PPP1R42: variants seen among roughly 807,000 people sequenced by gnomAD.
The protein encoded by PPP1R42 is protein phosphatase 1 regulatory subunit 42, also known as leucine rich repeat containing 67.
In PPP1R42, 34 loss-of-function variants were observed where a neutral mutation model predicts 31.0. The ratio of observed to expected loss-of-function variants is 1.10; its 90% CI spans 0.83 to 1.46. The LOEUF (loss-of-function observed/expected upper bound fraction) is 1.46. Among genes scored for constraint, PPP1R42 ranks in the 40% most tolerant of loss-of-function variants. The probability of loss-of-function intolerance (pLI) is 0.00; values close to 1 mark genes in which losing one functional copy is unlikely to be tolerated. For missense variants in PPP1R42, 268 were observed against 303.0 expected, an observed-to-expected ratio of 0.88 and a Z score of 0.86; for synonymous variants, 103 against 109.8, an observed-to-expected ratio of 0.94 and a Z score of 0.39.
At chr8:66,970,862 G>A (rs925579242) in intron 7 of PPP1R42, 1 of 814,968 alleles carries the variant, frequency 1.2e-6, no homozygotes. Context: ...TGGCCAAAAA[G>A]GATTGAGAAC....
At chr8:67,007,973 G>A (rs1030301198) in intron 5 of PPP1R42, among the ~76,000 whole-genome samples, 17 of 136,102 alleles carry the variant, frequency 1.2e-4, no homozygotes, top group African/African-American at 4.2e-4. Flanking sequence ...TGCAACCTTC[G>A]CCTCCCAGGT....
intron 7 of PPP1R42, among the ~76,000 whole-genome samples, chr8:66,981,768 A>G (rs779821193): frequency 2.0e-5 from 3 of 152,190 alleles, no homozygotes; most frequent in Non-Finnish European, 2.9e-5. Flanking sequence ...CAGGTATACA[A>G]TTATACATTT....
intron 5 of PPP1R42, among the ~76,000 whole-genome samples, chr8:67,008,108 G>C (rs556814363): frequency 6.6e-6 from 1 of 151,828 alleles, no homozygotes; most frequent in Admixed American, 6.6e-5. Context: ...GGTTCGTCTC[G>C]ATCTCCTGAT....
chr8:66,986,023 G>T, intron 6 of PPP1R42: 1 of 749,394 alleles, frequency 1.3e-6, no homozygotes, highest in Non-Finnish European at 2.5e-6. Context: ...TCCTCCTACA[G>T]CCTCAGTTTG....
intron 7 of PPP1R42, among the ~76,000 whole-genome samples, chr8:66,973,452 C>T (rs1236189198): frequency 6.6e-5 from 10 of 152,064 alleles, no homozygotes; most frequent in Admixed American, 2.6e-4. Flanking sequence ...TACAGGGGCA[C>T]GCCACCACAC....
intron 4 of PPP1R42, 123 bp downstream of exon 4, chr8:67,012,835 T>G: frequency 2.4e-6 from 2 of 844,882 alleles, no homozygotes; most frequent in Non-Finnish European, 3.4e-6. Flanking sequence ...TGATAAGCTC[T>G]GAGCTGGCCA....
chr8:66,990,666 C>A (rs193219230), intron 5 of PPP1R42, among the ~76,000 whole-genome samples: 3 of 152,322 alleles, frequency 2.0e-5, no homozygotes, highest in Admixed American at 1.3e-4. Context: ...GCAATGCTCT[C>A]TCTACCATTA....
chr8:66,971,101 TAATA>T (rs1262849614), intron 7 of PPP1R42: 12 of 1,533,366 alleles, frequency 7.8e-6, no homozygotes, highest in Non-Finnish European at 1.0e-5. Flanking sequence ...CACCTGTGGG[TAATA>T]AACAGGAACT....
intron 7 of PPP1R42, among the ~76,000 whole-genome samples, chr8:66,975,581 G>T (rs902281041): frequency 1.1e-4 from 17 of 152,140 alleles, no homozygotes; most frequent in African/African-American, 4.1e-4. Flanking sequence ...GGGAGGCAGA[G>T]GTTGCAATGA....
chr8:66,997,452 A>G (rs1815364640), intron 5 of PPP1R42, among the ~76,000 whole-genome samples: 1 of 150,578 alleles, frequency 6.6e-6, no homozygotes, highest in Non-Finnish European at 1.5e-5. Context: ...GGCATGTTCC[A>G]CCACACCCAG....
intron 7 of PPP1R42, among the ~76,000 whole-genome samples, chr8:66,981,749 C>T (rs192316098): frequency 1.1e-3 from 160 of 152,280 alleles, no homozygotes; most frequent in African/African-American, 2.5e-3. Context: ...TGATATCATG[C>T]ACTTTTGCCA....
intron 4 of PPP1R42, among the ~76,000 whole-genome samples, chr8:67,011,779 C>A (rs1815849965): frequency 6.6e-6 from 1 of 152,148 alleles, no homozygotes; most frequent in African/African-American, 2.4e-5. Context: ...ATCATCAATT[C>A]ATGGCCTTTT....
chr8:67,006,633 T>G (rs1432474319), intron 5 of PPP1R42, among the ~76,000 whole-genome samples: 2 of 152,068 alleles, frequency 1.3e-5, no homozygotes, highest in South Asian at 2.1e-4. Flanking sequence ...CCTCCCAAAG[T>G]GCGGTGATTA....
intron 7 of PPP1R42, among the ~76,000 whole-genome samples, chr8:66,965,561 A>G (rs1401814384): frequency 2.0e-5 from 3 of 150,222 alleles, no homozygotes; most frequent in Non-Finnish European, 4.4e-5. Flanking sequence ...TGATCCTTCC[A>G]CCCTAGCCTC....
At chr8:66,987,372 A>G (rs1032188204) in intron 6 of PPP1R42, among the ~76,000 whole-genome samples, 2 of 147,952 alleles carry the variant, frequency 1.4e-5, no homozygotes, top group African/African-American at 2.5e-5. Context: ...GCTCACTGCA[A>G]CCTCCGCCTA....
intron 7 of PPP1R42, among the ~76,000 whole-genome samples, chr8:66,975,255 A>G: frequency 6.6e-6 from 1 of 152,224 alleles, no homozygotes; most frequent in East Asian, 1.9e-4. Flanking sequence ...AATTAAATTT[A>G]TTCCTGGGTA....
intron 6 of PPP1R42, chr8:66,984,604 G>T: frequency 8.5e-7 from 1 of 1,183,088 alleles, no homozygotes. Context: ...ATACAGATAC[G>T]TGTACCCCCT....
intron 5 of PPP1R42, among the ~76,000 whole-genome samples, chr8:66,992,000 G>T (rs1167711215): frequency 1.3e-5 from 2 of 152,138 alleles, no homozygotes; most frequent in Non-Finnish European, 2.9e-5. Flanking sequence ...ACAGCTGGTT[G>T]CTTCTTCAAC....
chr8:66,975,003 C>CT (rs1199740121), intron 7 of PPP1R42, among the ~76,000 whole-genome samples: 6 of 152,104 alleles, frequency 3.9e-5, no homozygotes, highest in African/African-American at 1.4e-4. Context: ...TTTAGAATTG[C>CT]TTTTTTCTAT....
Sources: allele counts gnomAD v4.1 joint callset (sites outside exome capture counted in the v4.1 genomes callset), GRCh38; gene constraint gnomAD v4.1.1; transcripts MANE v1.5; gene names NCBI Gene and HGNC (gene_info 2026-07-23, HGNC 2026-07-21).